Variants in THSD4 observed in about 807,000 individuals in gnomAD.
THSD4 encodes the protein thrombospondin type 1 domain containing 4.
Under a neutral mutation model 119.0 loss-of-function variants are expected in THSD4, and 69 were observed. The ratio of observed to expected loss-of-function variants is 0.58; its 90% CI spans 0.48 to 0.71. The LOEUF (loss-of-function observed/expected upper bound fraction) is 0.71. Among genes scored for constraint, THSD4 ranks in the 30% least tolerant of loss-of-function variants. THSD4 has a pLI of 0.00. For missense variants in THSD4, 1,393 were observed against 1,391.1 expected (o/e 1.00, Z -0.02); for synonymous variants, 524 against 540.4 (o/e 0.97, Z 0.42).
At chr15:71,718,289 A>G (rs1567116812) in intron 8 of THSD4, among the ~76,000 whole-genome samples, 2 of 152,192 alleles carry the variant, frequency 1.3e-5, no homozygotes, top group Non-Finnish European at 2.9e-5. Flanking sequence ...ATTGGGCTAC[A>G]ATGAGACCCA....
chr15:71,194,865 G>A (rs1004416754), intron 3 of THSD4, among the ~76,000 whole-genome samples: 1 of 152,158 alleles, frequency 6.6e-6, no homozygotes, highest in Non-Finnish European at 1.5e-5. Context: ...GTTATACCTT[G>A]TGGGATGTTA....
chr15:71,228,750 C>T (rs995594832), intron 4 of THSD4, among the ~76,000 whole-genome samples: 2 of 152,202 alleles, frequency 1.3e-5, no homozygotes, highest in African/African-American at 2.4e-5. Flanking sequence ...ACTCCATTCT[C>T]GCCCTTATGC....
intron 6 of THSD4, among the ~76,000 whole-genome samples, chr15:71,295,213 A>T (rs2044847107): frequency 6.6e-6 from 1 of 152,304 alleles, no homozygotes; most frequent in Middle Eastern, 3.4e-3. Flanking sequence ...GGAGGGTGAT[A>T]TGATCGGCTT....
At chr15:71,665,506 A>G (rs994986100) in intron 8 of THSD4, among the ~76,000 whole-genome samples, 2 of 152,162 alleles carry the variant, frequency 1.3e-5, no homozygotes, top group African/African-American at 4.8e-5. Context: ...GTTTAATTAC[A>G]TCCCATCTGT....
rs182078494 is a variant in THSD4, at chr15:71,540,457, G to A, written c.1153-120073G>A. On this transcript the variant is annotated intron_variant, in intron 7 of 17. Transcript: ENST00000261862. ...GGCCGCCTTTTTTTTTTTTTTAAACGAGTCTCTGTCACCCAGGCTGGAGTG... is the reference window on the plus strand; with the variant it reads ...GGCCGCCTTTTTTTTTTTTTTAAACAAGTCTCTGTCACCCAGGCTGGAGTG... Among the ~76,000 whole-genome samples, 5 of 93,970 alleles carry A rather than the reference G, an allele frequency of 5.3e-5. No individual in the cohort carries two copies. In the East Asian group the frequency reaches 9.8e-4, roughly 18 times the overall value. The allele number at this position is 93,970 out of a possible 152,430, so 61.6% of individuals were successfully genotyped here.
chr15:71,759,017 C>G (rs912104407), intron 15 of THSD4, among the ~76,000 whole-genome samples: 1 of 152,100 alleles, frequency 6.6e-6, no homozygotes, highest in Non-Finnish European at 1.5e-5. Flanking sequence ...CAGAGATGTT[C>G]ATGACAGCAG....
chr15:71,543,156 A>C (rs2048786057), intron 7 of THSD4, among the ~76,000 whole-genome samples: 1 of 152,152 alleles, frequency 6.6e-6, no homozygotes, highest in Non-Finnish European at 1.5e-5. Flanking sequence ...TAGTTTTCAT[A>C]AATGTATCAT....
intron 16 of THSD4, among the ~76,000 whole-genome samples, chr15:71,769,120 C>T (rs1353243980): frequency 0.014 from 5 of 356 alleles, no homozygotes; most frequent in South Asian, 0.033. Flanking sequence ...CCCGGCCAGC[C>T]GCCCCGTCCG....
At chr15:71,624,137 A>C (rs2050467890) in intron 7 of THSD4, among the ~76,000 whole-genome samples, 1 of 152,172 alleles carries the variant, frequency 6.6e-6, no homozygotes, top group Admixed American at 6.5e-5. Context: ...AACATATCCT[A>C]CAGGGAGTTC....
At chr15:71,263,994 T>C (rs889279182) in intron 6 of THSD4, among the ~76,000 whole-genome samples, 2 of 152,244 alleles carry the variant, frequency 1.3e-5, no homozygotes, top group African/African-American at 2.4e-5. Flanking sequence ...CAGTCTGATA[T>C]CCACAGAGCC....
chr15:71,111,876 G>A (rs2040307760), upstream of THSD4: 2 of 545,948 alleles, frequency 3.7e-6, no homozygotes, highest in African/African-American at 1.9e-5. Context: ...CAGAACTCTA[G>A]GCCCAAGAGA....
chr15:71,450,926 T>G (rs1384270285), intron 7 of THSD4, among the ~76,000 whole-genome samples: 1 of 152,058 alleles, frequency 6.6e-6, no homozygotes, highest in East Asian at 1.9e-4. Context: ...TCCTGTAATC[T>G]CAGCACTTTG....
At chr15:71,702,195 C>T (rs868495407) in intron 8 of THSD4, among the ~76,000 whole-genome samples, 3 of 152,146 alleles carry the variant, frequency 2.0e-5, no homozygotes, top group Non-Finnish European at 4.4e-5. Context: ...CAGGGGCCCC[C>T]CAGAACCACT....
At chr15:71,250,621 A>G (rs2044249729) in intron 5 of THSD4, among the ~76,000 whole-genome samples, 1 of 152,142 alleles carries the variant, frequency 6.6e-6, no homozygotes, top group African/African-American at 2.4e-5. Flanking sequence ...ACCAGACTAA[A>G]TTTTTTAACA....
chr15:71,622,449 AT>A (rs903074242), intron 7 of THSD4, among the ~76,000 whole-genome samples: 6 of 152,178 alleles, frequency 3.9e-5, no homozygotes, highest in Non-Finnish European at 8.8e-5. Context: ...ACCAGCAAAA[AT>A]AACTCAGAGG....
upstream of THSD4, chr15:71,110,522 T>TA (rs2040295293): frequency 6.5e-6 from 1 of 153,082 alleles, no homozygotes; most frequent in South Asian, 2.1e-4. Flanking sequence ...CAATTGTTAA[T>TA]AAAATGACAT....
intron 3 of THSD4, chr15:71,164,720 G>A: frequency 1.9e-6 from 3 of 1,559,648 alleles, no homozygotes; most frequent in Non-Finnish European, 2.6e-6. Flanking sequence ...TTGTGTACAG[G>A]GGGGTTAAAT....
intron 5 of THSD4, among the ~76,000 whole-genome samples, chr15:71,245,842 A>G (rs1276556055): frequency 2.0e-5 from 3 of 152,292 alleles, no homozygotes; most frequent in East Asian, 3.9e-4. Flanking sequence ...CTGAAATCCA[A>G]GTTCCCAGAT....
chr15:71,169,181 A>G (rs534135414), intron 3 of THSD4, among the ~76,000 whole-genome samples: 1 of 152,370 alleles, frequency 6.6e-6, no homozygotes, highest in Admixed American at 6.5e-5. Context: ...GCTGATAAGC[A>G]TATGAAAAGG....
Sources: gnomAD v4.1 joint callset for allele counts (sites outside exome capture counted in the v4.1 genomes callset) on GRCh38, gnomAD v4.1.1 for gene constraint, MANE v1.5 for transcripts, NCBI Gene and HGNC (gene_info 2026-07-23, HGNC 2026-07-21) for gene names.